NRIP2: variants seen among roughly 807,000 people sequenced by gnomAD.
The protein encoded by NRIP2 is nuclear receptor-interacting protein 2.
In NRIP2, 27 loss-of-function variants were observed where a neutral mutation model predicts 34.1. That is an observed-to-expected ratio of 0.79 (90% confidence interval 0.58 to 1.09). NRIP2 has a LOEUF of 1.09. NRIP2 is among the 50% of genes least tolerant of loss of function. The probability of loss-of-function intolerance (pLI) is 0.00; values close to 1 mark genes in which losing one functional copy is unlikely to be tolerated. For synonymous variants in NRIP2, 145 were observed against 146.9 expected (o/e 0.99, Z 0.09); for missense variants, 385 against 352.6 (o/e 1.09, Z -0.74).
In NRIP2 at chr12:2,835,015, C is replaced by T. The variant is rs368178817; in HGVS notation, c.-32G>A. The T allele has an allele frequency of 9.8e-5, 149 of 1,521,164 alleles. 3 individuals carry two copies. The South Asian group carries it at 1.5e-3, about 15-fold the overall frequency. 94.2% of individuals were successfully genotyped at this position (1,521,164 alleles called of 1,614,324 possible). ...GCAGCCGCGTCAGTCTCCAATTTCC[C>T]GAGATTGCTGTAGAGGGAGTGAGAC... is the stretch of plus-strand genomic sequence containing the variant. On this transcript the variant is annotated 5_prime_UTR_variant, in exon 1 of 6. Coordinates refer to ENST00000337508, the MANE Select transcript of NRIP2 (RefSeq NM_031474.3).
rs2153925671 is a variant in NRIP2 at position 2,827,719 on chromosome 12, A to G, written c.701-42T>C. The stretch of plus-strand genomic sequence containing the variant: ...AAAACAGAAGAGGCTGAGGGTTCCC[A>G]GTGGTCACTGCTGCCCTCCTCTTAG... On this transcript the variant is annotated intron_variant, in intron 4 of 5. Transcript: ENST00000337508. The surrounding 1 kb of genome is among the most constrained non-coding windows in gnomAD (Gnocchi z 4.0). 6.2e-7 allele frequency: 1 copy of G among 1,613,296 alleles called. No homozygotes were observed. Among genetic ancestry groups the G allele is most frequent in the Non-Finnish European group, 8.5e-7 (1 of 1,179,984 alleles).
rs768123127 is a variant in NRIP2 at position 2,834,918 on chromosome 12, C to T, written c.66G>A (p.Thr22=). 12 of 1,612,966 alleles carry T rather than the reference C, an allele frequency of 7.4e-6. No individual in the cohort carries two copies. Among genetic ancestry groups the T allele is most frequent in the African/African-American group, 2.7e-5 (2 of 74,764 alleles). Residue 22 remains threonine (T), a synonymous_variant, in exon 1 of 6, where the codon ACG becomes ACA. Coordinates refer to ENST00000337508, the MANE Select transcript of NRIP2 (RefSeq NM_031474.3). ...RPSCWKESCS[T]GQRQAGRSRE... ...TGCTTCTTCCTGCCTGTCTCTGTCC[C>T]GTGCTGCAGCTCTCTTTCCAACAGG...
intron 2 of NRIP2, among the ~76,000 whole-genome samples, chr12:2,829,391 G>T (rs1462197573): frequency 6.6e-6 from 1 of 152,170 alleles, no homozygotes; most frequent in Non-Finnish European, 1.5e-5. Context: ...TTACCGGAAG[G>T]TATATCAATG....
chr12:2,830,958 C>A, intron 1 of NRIP2, 98 bp from the exon 2 acceptor site: 6 of 1,261,786 alleles, frequency 4.8e-6, no homozygotes, highest in South Asian at 1.5e-5. Flanking sequence ...GCTCCCCCCA[C>A]CCCCCCAGCC....
chr12:2,831,015 G>T, intron 1 of NRIP2, 155 bp from the exon 2 acceptor site: 1 of 639,884 alleles, frequency 1.6e-6, no homozygotes, highest in Non-Finnish European at 2.5e-6. Context: ...GATAATGAGA[G>T]CAGAGTAAGC....
At position 2,834,083 on chromosome 12, in the gene NRIP2, G is replaced by C. The variant is rs997327337; in HGVS notation, c.342+559C>G. Among the ~76,000 whole-genome samples the C allele has an allele frequency of 7.2e-5, 11 of 152,332 alleles. No homozygotes were observed. The East Asian group carries it at 1.9e-3, about 27-fold the overall frequency. ...GCAGACATGGGATGGGAGGAGAGGA[G>C]CCTGGAAGGTCCATTCCACTCAGGA... On this transcript the variant is annotated intron_variant, in intron 1 of 5. Coordinates refer to ENST00000337508, the MANE Select transcript of NRIP2 (RefSeq NM_031474.3).
At position 2,834,936 on chromosome 12, in the gene NRIP2, C is replaced by A. The variant is rs1443493595; in HGVS notation, c.48G>T (p.Trp16Cys). Residue 16 changes from tryptophan (W) to cysteine (C), a missense_variant, in exon 1 of 6, where the codon TGG (tryptophan) becomes TGT (cysteine). Physicochemically the swap from Trp to Cys is radical, Grantham distance 215. Transcript: ENST00000337508. The part of the protein sequence containing the change: ...PLSLPWRPSC[W>C]KESCSTGQRQ... ...TCTGTCCCGTGCTGCAGCTCTCTTT[C>A]CAACAGGAGGGTCTCCACGGGAGGG... The A allele has an allele frequency of 6.2e-7, 1 of 1,609,282 alleles. No homozygotes were observed. The highest frequency in any genetic ancestry group is 1.1e-5 in the South Asian group (1 of 90,556).
At position 2,827,608 on chromosome 12, in the gene NRIP2, C is replaced by T; in HGVS notation, c.753+17G>A. On this transcript the variant is annotated intron_variant, in intron 5 of 5. Coordinates refer to ENST00000337508, the MANE Select transcript of NRIP2 (RefSeq NM_031474.3). The surrounding 1 kb of genome is among the most constrained non-coding windows in gnomAD (Gnocchi z 4.0). ...TTTTCCCAGTGCTTTGGGTCAGGCC[C>T]TGAGTGGGTGCCTTACCTTGAGAGA... 6.2e-7 allele frequency: 1 copy of T among 1,614,206 alleles called. No homozygotes were observed. The highest frequency in any genetic ancestry group is 8.5e-7 in the Non-Finnish European group (1 of 1,180,046).
At position 2,827,119 on chromosome 12, in the gene NRIP2, A is replaced by T. The variant is rs2097971189; in HGVS notation, c.*88T>A. On this transcript the variant is annotated 3_prime_UTR_variant, in exon 6 of 6. Coordinates refer to ENST00000337508, the MANE Select transcript of NRIP2 (RefSeq NM_031474.3). The surrounding 1 kb of genome is among the most constrained non-coding windows in gnomAD (Gnocchi z 4.0). Reference sequence around the variant, plus strand: ...TGGAAGGGCAGACACCATAGTCCCCAGCTACCTGGCTTCAAGAGCCCCCGT... The same window carrying T: ...TGGAAGGGCAGACACCATAGTCCCCTGCTACCTGGCTTCAAGAGCCCCCGT... 1 of 1,591,692 alleles carries T rather than the reference A, an allele frequency of 6.3e-7. No individual in the cohort carries two copies. The highest frequency in any genetic ancestry group is 1.1e-5 in the South Asian group (1 of 88,348).
rs1475771285 is a variant in NRIP2 at position 2,835,023 on chromosome 12, C to T, written c.-40G>A. The T allele has an allele frequency of 6.6e-7, 1 of 1,505,844 alleles. No homozygotes were observed. The allele number at this position is 1,505,844 out of a possible 1,614,324, so 93.3% of individuals were successfully genotyped here. A position where few individuals can be genotyped will look rare whatever the true frequency, so the allele number is the denominator to read the frequency against. The stretch of plus-strand genomic sequence containing the variant: ...GTCAGTCTCCAATTTCCCGAGATTG[C>T]TGTAGAGGGAGTGAGACTCCGGCTG... On this transcript the variant is annotated 5_prime_UTR_variant, in exon 1 of 6. Coordinates refer to ENST00000337508, the MANE Select transcript of NRIP2 (RefSeq NM_031474.3).
At position 2,830,840 on chromosome 12, in the gene NRIP2, T is replaced by A; in HGVS notation, c.363A>T (p.Gln121His). The change falls in exon 2 of 6, where the codon CAA becomes CAT. Residue 121 changes from glutamine (Q) to histidine (H), a missense_variant. Transcript: ENST00000337508. ...TCGGGTTTCCCTCCACCAGGCGTCTTTGGATCACACTGCGCGGCTGCTGGC... is the reference window on the plus strand; with the variant it reads ...TCGGGTTTCCCTCCACCAGGCGTCTATGGATCACACTGCGCGGCTGCTGGC... ...SKDLQPRSVI[Q>H]RRLVEGNPNW... 6.2e-7 allele frequency: 1 copy of A among 1,613,614 alleles called. No homozygotes were observed. Among genetic ancestry groups the A allele is most frequent in the Non-Finnish European group, 8.5e-7 (1 of 1,179,816 alleles).
At chr12:2,833,096 C>T (rs577028723) in intron 1 of NRIP2, among the ~76,000 whole-genome samples, 100 of 152,122 alleles carry the variant, frequency 6.6e-4, no homozygotes, top group Non-Finnish European at 1.3e-3. Flanking sequence ...CCTTTGCTCC[C>T]AGAGCCATAG....
Position 2,827,176 on chromosome 12 carries a change from C to G in NRIP2, c.*31G>C. 1.2e-6 allele frequency: 2 copies of G among 1,613,830 alleles called. No homozygotes were observed. The highest frequency in any genetic ancestry group is 1.7e-6 in the Non-Finnish European group (2 of 1,179,918). On this transcript the variant is annotated 3_prime_UTR_variant, in exon 6 of 6. Transcript: ENST00000337508. This position sits in a 1 kb window ranked among gnomAD's most constrained non-coding sequence, Gnocchi z 4.0. ...CACGCCTCTTCTTCTAAGGCAAGGTCTTTCCCTCTGGGGACTGACTGAGAC... is the reference window on the plus strand; with the variant it reads ...CACGCCTCTTCTTCTAAGGCAAGGTGTTTCCCTCTGGGGACTGACTGAGAC...
chr12:2,825,494 G>A lies in NRIP2; in HGVS notation c.*1713C>T, dbSNP rs1238850635. The A allele has an allele frequency of 6.6e-6, 1 of 152,594 alleles. No homozygotes were observed. Among genetic ancestry groups the A allele is most frequent in the East Asian group, 1.9e-4 (1 of 5,210 alleles). The allele number at this position is 152,594 out of a possible 1,614,324, so 9.5% of individuals were successfully genotyped here. A position where few individuals can be genotyped will look rare whatever the true frequency, so the allele number is the denominator to read the frequency against. On this transcript the variant is annotated 3_prime_UTR_variant, in exon 6 of 6. Transcript: ENST00000337508. Reference sequence around the variant, plus strand: ...AGGAAAGTGGACCTTGTGGAGCAAGGCAGTGAGGGCGAGGAAAGCTTTTAG... The same window carrying A: ...AGGAAAGTGGACCTTGTGGAGCAAGACAGTGAGGGCGAGGAAAGCTTTTAG...
intron 2 of NRIP2, among the ~76,000 whole-genome samples, chr12:2,829,220 G>T (rs1035607992): frequency 1.3e-5 from 2 of 152,178 alleles, no homozygotes; most frequent in African/African-American, 4.8e-5. Flanking sequence ...TGGAATCCCT[G>T]TTAGGAAACT....
chr12:2,834,713 A>G lies in NRIP2; in HGVS notation c.271T>C (p.Phe91Leu). 3 of 1,613,982 alleles carry G rather than the reference A, an allele frequency of 1.9e-6. No individual in the cohort carries two copies. Among genetic ancestry groups the G allele is most frequent in the Non-Finnish European group, 2.5e-6 (3 of 1,179,988 alleles). ...AGGTCGGCCGAGTCCTTGTGCAGGA[A>G]CTGGGTGGCCTGTTTGAGCCGGCGC... is the stretch of plus-strand genomic sequence containing the variant. Reference protein sequence around the residue: ...QQRRLKQATQFLHKDSADLLP... With the variant: ...QQRRLKQATQLLHKDSADLLP... The change falls in exon 1 of 6, where the codon TTC becomes CTC. Residue 91 changes from phenylalanine to leucine, a missense_variant. Transcript: ENST00000337508.
At chr12:2,830,945 G>A in intron 1 of NRIP2, 85 bp from the exon 2 acceptor site, 1 of 1,458,116 alleles carries the variant, frequency 6.9e-7, no homozygotes, top group Non-Finnish European at 9.3e-7. Context: ...GATACCCCAG[G>A]ATGCTCCCCC....
chr12:2,834,559 T>C (rs1324541347), intron 1 of NRIP2, 83 bp downstream of exon 1: 1 of 1,506,186 alleles, frequency 6.6e-7, no homozygotes, highest in African/African-American at 1.4e-5. Flanking sequence ...GGTCTGCACT[T>C]TCTGGTCCTG....
chr12:2,827,381 C>G lies in NRIP2; in HGVS notation c.754-82G>C. On this transcript the variant is annotated intron_variant, in intron 5 of 5. Coordinates refer to ENST00000337508, the MANE Select transcript of NRIP2 (RefSeq NM_031474.3). This position sits in a 1 kb window ranked among gnomAD's most constrained non-coding sequence, Gnocchi z 4.0. ...CCTGCTCCTTTTGTTCCCCCTCCCA[C>G]TTCCCACAGCTTCCACCTGCCTTTT... The G allele has an allele frequency of 6.5e-7, 1 of 1,532,254 alleles. No individual in the cohort carries two copies. The allele number at this position is 1,532,254 out of a possible 1,614,324, so 94.9% of individuals were successfully genotyped here.
Sources: gnomAD v4.1 joint callset for allele counts (sites outside exome capture counted in the v4.1 genomes callset) on GRCh38, gnomAD v4.1.1 for gene constraint, Gnocchi (gnomAD v3.1) non-coding constraint, MANE v1.5 for transcripts, NCBI Gene and HGNC (gene_info 2026-07-23, HGNC 2026-07-21) for gene names.